Variants in MYO1F observed in about 807,000 individuals in gnomAD.
The protein encoded by MYO1F is unconventional myosin-If.
MYO1F carries 60 observed loss-of-function variants against 146.6 expected under a neutral mutation model. The observed-to-expected ratio is 0.41, with a 90% CI of 0.33 to 0.51. The LOEUF is 0.51. Ranked by LOEUF, MYO1F falls within the 20% of genes least tolerant of loss-of-function variation. MYO1F has a pLI of 0.25. For missense variants in MYO1F, 1,274 were observed against 1,534.3 expected (o/e 0.83, Z 2.83); for synonymous variants, 602 against 602.1 (o/e 1.00, Z 0.00).
intron 1 of MYO1F, among the ~76,000 whole-genome samples, chr19:8,560,444 C>G (rs1436359972): frequency 9.3e-5 from 14 of 150,964 alleles, no homozygotes; most frequent in South Asian, 4.2e-4. Context: ...GAGATTGCAC[C>G]ATTGCACTCC....
rs544379412 is a variant in MYO1F at position 8,557,829 on chromosome 19, C to G, written c.4-2033G>C. 8.2e-4 allele frequency among the ~76,000 whole-genome samples: 125 copies of G among 152,172 alleles called. 2 individuals are homozygous for G. The highest frequency in any genetic ancestry group is 1.4e-3 in the Non-Finnish European group (97 of 68,034). On this transcript the variant is annotated intron_variant, in intron 1 of 27. Transcript: ENST00000644032. ...TCCCTTTCACATCCCCCGTCCCCTC[C>G]CCAGGCCCAGGCCAGTCCCTGACTT...
intron 1 of MYO1F, among the ~76,000 whole-genome samples, chr19:8,556,447 G>A (rs1468833999): frequency 3.4e-5 from 5 of 146,160 alleles, no homozygotes; most frequent in Non-Finnish European, 7.6e-5. Context: ...TTCGAGACCA[G>A]CCTGGGCAAC....
At chr19:8,575,322 G>T (rs981575946) in intron 1 of MYO1F, among the ~76,000 whole-genome samples, 6 of 151,376 alleles carry the variant, frequency 4.0e-5, no homozygotes, top group Admixed American at 1.3e-4. Context: ...TGATCTGCCC[G>T]CCTCGGCCTC....
At chr19:8,574,087 A>G (rs1555732651) in intron 1 of MYO1F, among the ~76,000 whole-genome samples, 1 of 152,132 alleles carries the variant, frequency 6.6e-6, no homozygotes, top group Non-Finnish European at 1.5e-5. Flanking sequence ...ACCGATGGTC[A>G]TCATTCCACT....
Position 8,530,069 on chromosome 19 carries a change from G to T in MYO1F, c.2328+127C>A. On this transcript the variant is annotated intron_variant, in intron 21 of 27. Transcript: ENST00000644032. The surrounding 1 kb of genome is among the most constrained non-coding windows in gnomAD (Gnocchi z 5.8). Reference sequence around the variant, plus strand: ...GCAGGTGCATATGGGCCAGGTGAGGGTGTACCTGTGATGGAACAGATGGAT... The same window carrying T: ...GCAGGTGCATATGGGCCAGGTGAGGTTGTACCTGTGATGGAACAGATGGAT... The T allele has an allele frequency of 2.3e-6, 3 of 1,309,142 alleles. No individual in the cohort carries two copies. In the South Asian group the frequency reaches 3.5e-5, roughly 15 times the overall value. The allele number at this position is 1,309,142 out of a possible 1,614,324, so 81.1% of individuals were successfully genotyped here. A position where few individuals can be genotyped will look rare whatever the true frequency, so the allele number is the denominator to read the frequency against.
At chr19:8,569,096 T>C (rs1330160001) in intron 1 of MYO1F, among the ~76,000 whole-genome samples, 2 of 152,024 alleles carry the variant, frequency 1.3e-5, no homozygotes, top group Non-Finnish European at 1.5e-5. Flanking sequence ...AATACATACT[T>C]GTTGAATGAA....
chr19:8,536,155 C>CT (rs1452948112), intron 19 of MYO1F, 97 bp downstream of exon 19: 1 of 1,429,804 alleles, frequency 7.0e-7, no homozygotes, highest in Admixed American at 1.8e-5. Flanking sequence ...CTCTCAATCT[C>CT]TGTCTCCCTC....
intron 1 of MYO1F, among the ~76,000 whole-genome samples, chr19:8,560,077 G>A (rs993736915): frequency 9.9e-5 from 15 of 152,036 alleles, no homozygotes; most frequent in African/African-American, 3.4e-4. Context: ...GGGTAGGCTC[G>A]AAGGGAAACG....
Position 8,521,527 on chromosome 19 carries a change from C to T in MYO1F, c.*1G>A, listed in dbSNP as rs1599899374. ...GAGAAGGCAGTATCCCAGGGCCCAGCTCAGATCTTCTCCACGTAGTTTCCT... is the reference window on the plus strand; with the variant it reads ...GAGAAGGCAGTATCCCAGGGCCCAGTTCAGATCTTCTCCACGTAGTTTCCT... On this transcript the variant is annotated 3_prime_UTR_variant, in exon 28 of 28. Transcript: ENST00000644032. 6.2e-7 allele frequency: 1 copy of T among 1,614,048 alleles called. No homozygotes were observed. Among genetic ancestry groups the T allele is most frequent in the Non-Finnish European group, 8.5e-7 (1 of 1,179,980 alleles).
chr19:8,551,955 C>T (rs759723099), intron 7 of MYO1F, 78 bp downstream of exon 7: 4 of 1,613,888 alleles, frequency 2.5e-6, no homozygotes, highest in East Asian at 2.2e-5. Context: ...GCCATGCCCC[C>T]CTAGGTGTTT....
At chr19:8,526,306 G>C in intron 24 of MYO1F, 147 bp downstream of exon 24, 1 of 1,281,384 alleles carries the variant, frequency 7.8e-7, no homozygotes, top group East Asian at 2.5e-5. Context: ...CAGCCTGGGC[G>C]ACAGAGTGAG....
Position 8,526,771 on chromosome 19 carries a change from G to C in MYO1F, c.2621+18C>G. The C allele has an allele frequency of 1.3e-6, 2 of 1,599,000 alleles. No individual in the cohort carries two copies. Among genetic ancestry groups the C allele is most frequent in the Non-Finnish European group, 1.7e-6 (2 of 1,173,654 alleles). On this transcript the variant is annotated intron_variant, in intron 23 of 27. Coordinates refer to ENST00000644032, the MANE Select transcript of MYO1F (RefSeq NM_012335.4). ...CCGAGACCACCCCGAGATGGTGCTG[G>C]GGTTGGCGGGGCCGTACGTGTCGCT...
At chr19:8,542,565 A>G (rs1973024376) in intron 14 of MYO1F, among the ~76,000 whole-genome samples, 1 of 150,724 alleles carries the variant, frequency 6.6e-6, no homozygotes, top group Non-Finnish European at 1.5e-5. Context: ...TGGCTGAGGG[A>G]ACATGGGAGC....
Position 8,550,604 on chromosome 19 carries a change from A to C in MYO1F, c.862T>G (p.Phe288Val). The stretch of plus-strand genomic sequence containing the variant: ...CGGGCGTAATTCCCGTCTTCACAGA[A>C]ACTGATGTTCCCCAGGTGCAAGATC... Reference protein sequence around the residue: ...AGILHLGNISFCEDGNYARVE... With the variant: ...AGILHLGNISVCEDGNYARVE... The change falls in exon 9 of 28, where the codon TTC becomes GTC. Residue 288 changes from phenylalanine to valine, a missense_variant. Coordinates refer to ENST00000644032, the MANE Select transcript of MYO1F (RefSeq NM_012335.4). 1 of 1,614,058 alleles carries C rather than the reference A, an allele frequency of 6.2e-7. No individual in the cohort carries two copies. Among genetic ancestry groups the C allele is most frequent in the South Asian group, 1.1e-5 (1 of 91,078 alleles).
At chr19:8,559,068 C>T (rs1269725240) in intron 1 of MYO1F, among the ~76,000 whole-genome samples, 4 of 151,358 alleles carry the variant, frequency 2.6e-5, no homozygotes, top group South Asian at 2.1e-4. Context: ...TTGGTAGAGA[C>T]GGGGTTTCAC....
In MYO1F at chr19:8,526,460, C is replaced by T. The variant is rs1972270308; in HGVS notation, c.2763G>A (p.Lys921=). 1 of 1,557,312 alleles carries T rather than the reference C, an allele frequency of 6.4e-7. No homozygotes were observed. The change falls in exon 24 of 28, where the codon AAG becomes AAA. Residue 921 remains lysine (K), a synonymous_variant. Coordinates refer to ENST00000644032, the MANE Select transcript of MYO1F (RefSeq NM_012335.4). Reference sequence around the variant, plus strand: ...AGTTCCGCGCAGACTCACTGGAGCTCTTGGGCAGCCCATCGCCCACGCTGA... The same window carrying T: ...AGTTCCGCGCAGACTCACTGGAGCTTTTGGGCAGCCCATCGCCCACGCTGA... ...LTVSVGDGLP[K]SSKPTRKGMA... is the part of the protein sequence containing the mutation.
At chr19:8,553,867 G>GTC (rs1973716668) in intron 4 of MYO1F, among the ~76,000 whole-genome samples, 10 of 77,538 alleles carry the variant, frequency 1.3e-4, no homozygotes, top group African/African-American at 4.6e-4. Flanking sequence ...CTGAGACTCT[G>GTC]TCACACACAC....
chr19:8,560,064 T>C (rs1974020332), intron 1 of MYO1F, among the ~76,000 whole-genome samples: 1 of 151,042 alleles, frequency 6.6e-6, no homozygotes. Flanking sequence ...ACCATCTCAG[T>C]GTGGGTAGGC....
chr19:8,544,230 G>A, intron 14 of MYO1F, 67 bp downstream of exon 14: 1 of 1,559,650 alleles, frequency 6.4e-7, no homozygotes, highest in Non-Finnish European at 8.8e-7. Flanking sequence ...TGGAGGGTGG[G>A]GGCTACAGCC....
Sources: gnomAD v4.1 joint callset for allele counts (sites outside exome capture counted in the v4.1 genomes callset) on GRCh38, gnomAD v4.1.1 for gene constraint, Gnocchi (gnomAD v3.1) non-coding constraint, MANE v1.5 for transcripts, NCBI Gene and HGNC (gene_info 2026-07-23, HGNC 2026-07-21) for gene names.